PMS1: variants seen among roughly 807,000 people sequenced by gnomAD.
PMS1 encodes PMS1 protein homolog 1.
A neutral mutation model predicts 93.1 loss-of-function variants in PMS1; 79 were observed. That is an observed-to-expected ratio of 0.85 (90% CI 0.71 to 1.02). The LOEUF (loss-of-function observed/expected upper bound fraction) is 1.02. Among genes scored for constraint, PMS1 ranks in the 50% least tolerant of loss-of-function variants. The probability of loss-of-function intolerance (pLI) is 0.00; values close to 1 mark genes in which losing one functional copy is unlikely to be tolerated. For synonymous variants in PMS1, 335 were observed against 363.4 expected, an observed-to-expected ratio of 0.92 and a Z score of 0.89; for missense variants, 1,064 against 1,085.3, an observed-to-expected ratio of 0.98 and a Z score of 0.28.
chr2:189,803,375 G>A (rs2050061757), intron 3 of PMS1, among the ~76,000 whole-genome samples: 2 of 152,110 alleles, frequency 1.3e-5, no homozygotes, highest in African/African-American at 4.8e-5. Context: ...CAGTAAACTG[G>A]ACCAGAGAGT....
At chr2:189,784,639 C>T (rs2048091840) in intron 1 of PMS1, 46 bp downstream of exon 1, 1 of 152,500 alleles carries the variant, frequency 6.6e-6, no homozygotes, top group African/African-American at 2.4e-5. Flanking sequence ...CTCGATGGCT[C>T]GAGGGCCCCG....
intron 2 of PMS1, among the ~76,000 whole-genome samples, chr2:189,792,491 A>G (rs2048953538): frequency 6.6e-6 from 1 of 152,070 alleles, no homozygotes; most frequent in South Asian, 2.1e-4. Context: ...AGTATGCACT[A>G]GGAAGGTAAA....
intron 9 of PMS1, among the ~76,000 whole-genome samples, chr2:189,856,669 T>G (rs1321920070): frequency 6.6e-6 from 1 of 152,098 alleles, no homozygotes; most frequent in Non-Finnish European, 1.5e-5. Flanking sequence ...GGAAATGAAT[T>G]GAGAATTGTC....
intron 1 of PMS1, among the ~76,000 whole-genome samples, chr2:189,789,002 T>C (rs1321842921): frequency 6.6e-6 from 1 of 152,100 alleles, no homozygotes; most frequent in Admixed American, 6.5e-5. Context: ...CCCTGCTTGA[T>C]TGGGACAGGA....
intron 9 of PMS1, among the ~76,000 whole-genome samples, chr2:189,860,882 T>G (rs1192176373): frequency 7.2e-6 from 1 of 139,512 alleles, no homozygotes; most frequent in Non-Finnish European, 1.5e-5. Flanking sequence ...GAGGGAGGAG[T>G]ATATACTGTT....
At chr2:189,834,631 GT>G (rs1190705517) in intron 5 of PMS1, among the ~76,000 whole-genome samples, 2 of 152,186 alleles carry the variant, frequency 1.3e-5, no homozygotes, top group African/African-American at 4.8e-5. Context: ...AATCTTTCTT[GT>G]TTTTAAAGAC....
At chr2:189,870,605 C>G (rs2057065828) in intron 11 of PMS1, among the ~76,000 whole-genome samples, 1 of 152,100 alleles carries the variant, frequency 6.6e-6, no homozygotes, top group South Asian at 2.1e-4. Flanking sequence ...TGCCAAGTAC[C>G]TTTTACCCAT....
chr2:189,821,338 C>G (rs932930462), intron 5 of PMS1, among the ~76,000 whole-genome samples: 1 of 151,706 alleles, frequency 6.6e-6, no homozygotes, highest in Non-Finnish European at 1.5e-5. Context: ...GCCTGTAGTC[C>G]CAGCTACTCA....
intron 2 of PMS1, among the ~76,000 whole-genome samples, chr2:189,792,903 C>T (rs556743482): frequency 1.3e-4 from 20 of 152,010 alleles, no homozygotes; most frequent in Middle Eastern, 6.8e-3. Context: ...TCTCCCTCCC[C>T]GGTTCATGCA....
chr2:189,853,734 C>G (rs1056980239), intron 7 of PMS1, among the ~76,000 whole-genome samples: 8 of 151,948 alleles, frequency 5.3e-5, no homozygotes, highest in African/African-American at 1.7e-4. Context: ...CCAGGCTGGT[C>G]TTGAACTCCT....
chr2:189,854,144 TAA>T (rs1422904271), intron 8 of PMS1, 62 bp downstream of exon 8: 1 of 1,380,806 alleles, frequency 7.2e-7, no homozygotes, highest in African/African-American at 1.5e-5. Context: ...TGTTTTCATA[TAA>T]AAAGATTTGT....
chr2:189,814,509 GTCT>G (rs2051107617), intron 4 of PMS1, among the ~76,000 whole-genome samples: 1 of 125,564 alleles, frequency 8.0e-6, no homozygotes, highest in African/African-American at 4.4e-5. Flanking sequence ...AGTACTATGT[GTCT>G]TCCATAAATA....
intron 3 of PMS1, among the ~76,000 whole-genome samples, 181 bp from the exon 4 acceptor site, chr2:189,805,471 G>A (rs995819182): frequency 6.6e-6 from 1 of 152,152 alleles, no homozygotes; most frequent in Non-Finnish European, 1.5e-5. Context: ...AAAAATACAA[G>A]CTGGCCTGTT....
intron 3 of PMS1, among the ~76,000 whole-genome samples, chr2:189,801,172 A>G (rs1196374754): frequency 1.3e-5 from 2 of 152,170 alleles, no homozygotes; most frequent in African/African-American, 4.8e-5. Context: ...TTCTTTTTAT[A>G]TCTGCAGAGT....
intron 5 of PMS1, among the ~76,000 whole-genome samples, chr2:189,833,361 A>C (rs2053118084): frequency 3.9e-5 from 6 of 152,182 alleles, no homozygotes; most frequent in Admixed American, 3.9e-4. Flanking sequence ...AGGCCGAGGC[A>C]GGTGGATCAT....
At chr2:189,859,891 C>G (rs1371962741) in intron 9 of PMS1, among the ~76,000 whole-genome samples, 1 of 152,126 alleles carries the variant, frequency 6.6e-6, no homozygotes, top group Non-Finnish European at 1.5e-5. Context: ...TATAATTTCA[C>G]TAGCAGTTAC....
At chr2:189,808,202 T>G (rs1194498724) in intron 4 of PMS1, among the ~76,000 whole-genome samples, 1 of 152,190 alleles carries the variant, frequency 6.6e-6, no homozygotes, top group Non-Finnish European at 1.5e-5. Context: ...GCTTAGCATT[T>G]ACTCTTCATG....
chr2:189,847,444 TGATTTTTAAACTGTCTATG>T (rs1403931520), intron 6 of PMS1, among the ~76,000 whole-genome samples: 1 of 151,722 alleles, frequency 6.6e-6, no homozygotes, highest in East Asian at 1.9e-4. Flanking sequence ...TTGAGAGATC[TGATTTTTAAACTGTCTATG>T]GATTTTTTTT....
At chr2:189,822,805 C>T (rs946992940) in intron 5 of PMS1, among the ~76,000 whole-genome samples, 1 of 152,180 alleles carries the variant, frequency 6.6e-6, no homozygotes, top group African/African-American at 2.4e-5. Context: ...TTTGGATATA[C>T]TGTATCTGAA....
Sources: allele counts gnomAD v4.1 joint callset (sites outside exome capture counted in the v4.1 genomes callset), GRCh38; gene constraint gnomAD v4.1.1; transcripts MANE v1.5; gene names NCBI Gene and HGNC (gene_info 2026-07-23, HGNC 2026-07-21).